Variants in ELFN1 observed in about 807,000 individuals in gnomAD.
ELFN1 encodes extracellular leucine rich repeat and fibronectin type III domain containing 1.
In ELFN1, 6 loss-of-function variants were observed where a neutral mutation model predicts 7.6. That is an observed-to-expected ratio of 0.79 (90% CI 0.43 to 1.56). The LOEUF is 1.56. Among genes scored for constraint, ELFN1 ranks in the 40% most tolerant of loss-of-function variants. The pLI is 0.01. For synonymous variants in ELFN1, 657 were observed against 588.1 expected, an observed-to-expected ratio of 1.12 and a Z score of -1.70; for missense variants, 1,169 against 1,232.2, an observed-to-expected ratio of 0.95 and a Z score of 0.77.
At chr7:1,738,050 CGACAAGCA>C (rs1780499173) in intron 3 of ELFN1, among the ~76,000 whole-genome samples, 1 of 152,168 alleles carries the variant, frequency 6.6e-6, no homozygotes, top group Admixed American at 6.5e-5. Flanking sequence ...GGTCCCCGTG[CGACAAGCA>C]GACCTCGCCA....
chr7:1,722,210 C>A (rs1240602542), intron 3 of ELFN1, among the ~76,000 whole-genome samples: 2 of 151,928 alleles, frequency 1.3e-5, no homozygotes, highest in Non-Finnish European at 2.9e-5. Flanking sequence ...GTCTTGGAAG[C>A]CTCTTTTTCT....
rs370873772 is a variant in ELFN1, at chr7:1,719,447, C to G, written c.-294+10195C>G. On this transcript the variant is annotated intron_variant, in intron 3 of 3. Coordinates refer to ENST00000424383, the MANE Select transcript of ELFN1 (RefSeq NM_001128636.4). ...GGACCGGCTCTGGGCTAGGCAGCCC[C>G]GTCTAATTCCCGCTTCCGCAGACAG... is the stretch of plus-strand genomic sequence containing the variant. 1.0e-3 allele frequency among the ~76,000 whole-genome samples: 152 copies of G among 152,342 alleles called. 2 individuals are homozygous for G. Among genetic ancestry groups the G allele is most frequent in the African/African-American group, 3.4e-3 (142 of 41,582 alleles).
At chr7:1,701,962 CAT>C (rs1351597205) in intron 2 of ELFN1, among the ~76,000 whole-genome samples, 2 of 151,932 alleles carry the variant, frequency 1.3e-5, no homozygotes, top group Admixed American at 1.3e-4. Context: ...CATTTTTTCC[CAT>C]ATATATTCAA....
chr7:1,674,232 G>T (rs1398398901), intron 1 of ELFN1, among the ~76,000 whole-genome samples: 1 of 152,140 alleles, frequency 6.6e-6, no homozygotes, highest in African/African-American at 2.4e-5. Flanking sequence ...CCCTGCTCCG[G>T]GCCATGGGGG....
chr7:1,729,024 G>A (rs530661688), intron 3 of ELFN1, among the ~76,000 whole-genome samples: 22 of 152,248 alleles, frequency 1.4e-4, no homozygotes, highest in East Asian at 7.7e-4. Context: ...GGGAGCAGCC[G>A]GCTGCTCAGG....
At chr7:1,742,505 C>T (rs1780655147) in intron 3 of ELFN1, among the ~76,000 whole-genome samples, 1 of 152,236 alleles carries the variant, frequency 6.6e-6, no homozygotes, top group Admixed American at 6.5e-5. Context: ...TGGGTGCGAG[C>T]TGGCAGGTGC....
chr7:1,701,877 T>A (rs564449931), intron 2 of ELFN1, among the ~76,000 whole-genome samples: 20 of 152,320 alleles, frequency 1.3e-4, no homozygotes, highest in African/African-American at 4.8e-4. Context: ...AAATGTATAG[T>A]TCTTCTTTTT....
At chr7:1,733,699 A>T (rs1293753966) in intron 3 of ELFN1, among the ~76,000 whole-genome samples, 1 of 152,104 alleles carries the variant, frequency 6.6e-6, no homozygotes, top group Non-Finnish European at 1.5e-5. Flanking sequence ...TTGAGGGCTA[A>T]TTGCTCATTT....
At chr7:1,722,265 CTTTTTTTTTTT>C (rs35253681) in intron 3 of ELFN1, among the ~76,000 whole-genome samples, 1 of 135,286 alleles carries the variant, frequency 7.4e-6, no homozygotes, top group Non-Finnish European at 1.6e-5. Context: ...TTAGGAGCCA[CTTTTTTTTTTT>C]TTTTTTTTGA....
At chr7:1,676,480 C>T (rs937185927) in intron 1 of ELFN1, among the ~76,000 whole-genome samples, 8 of 152,174 alleles carry the variant, frequency 5.3e-5, no homozygotes, top group African/African-American at 1.7e-4. Context: ...CATGTGAGGA[C>T]GGGGGTGGAT....
At chr7:1,675,423 T>A (rs1304895111) in intron 1 of ELFN1, among the ~76,000 whole-genome samples, 1 of 152,226 alleles carries the variant, frequency 6.6e-6, no homozygotes. Context: ...GAATCCTTCC[T>A]GGGATGGAAA....
At chr7:1,681,790 C>T (rs1778979603) in intron 1 of ELFN1, among the ~76,000 whole-genome samples, 1 of 152,230 alleles carries the variant, frequency 6.6e-6, no homozygotes, top group South Asian at 2.1e-4. Flanking sequence ...TACAGATCTT[C>T]AGGCGGATGT....
chr7:1,745,257 G>C lies in ELFN1; in HGVS notation c.661G>C (p.Glu221Gln), dbSNP rs1435310016. ...ATQTYDRMQC[E>Q]SPPVYSGYYL... ...ACAGACGTACGACCGCATGCAGTGCGAGTCGCCGCCCGTCTACTCCGGCTA... is the reference window on the plus strand; with the variant it reads ...ACAGACGTACGACCGCATGCAGTGCCAGTCGCCGCCCGTCTACTCCGGCTA... The change falls in exon 4 of 4, where the codon GAG (glutamate) becomes CAG (glutamine). Residue 221 changes from glutamate (E) to glutamine (Q), a missense_variant. Physicochemically the swap from Glu to Gln is conservative, Grantham distance 29. This residue lies in a region of ELFN1 where 255 missense variants were observed against 359.6 expected (regional missense o/e 0.71). Coordinates refer to ENST00000424383, the MANE Select transcript of ELFN1 (RefSeq NM_001128636.4). The C allele has an allele frequency of 3.2e-6, 5 of 1,539,136 alleles. No homozygotes were observed. The highest frequency in any genetic ancestry group is 4.4e-6 in the Non-Finnish European group (5 of 1,146,860).
At chr7:1,721,973 G>T (rs1394361456) in intron 3 of ELFN1, among the ~76,000 whole-genome samples, 1 of 152,204 alleles carries the variant, frequency 6.6e-6, no homozygotes, top group Non-Finnish European at 1.5e-5. Context: ...ACATTCTGGG[G>T]TGTGTACATC....
chr7:1,724,142 T>A (rs1780109247), intron 3 of ELFN1, among the ~76,000 whole-genome samples: 1 of 152,088 alleles, frequency 6.6e-6, no homozygotes, highest in Non-Finnish European at 1.5e-5. Flanking sequence ...CGTCACAGGG[T>A]TACCATAAGT....
rs755536565 is a variant in ELFN1 at position 1,745,362 on chromosome 7, G to T, written c.766G>T (p.Ala256Ser). ...GTCAGTCTGCACCGAGGACTCGTAC[G>T]CGGCTGAGGTGGTCGGGCCCCCACG... The part of the protein sequence containing the change: ...LQSVCTEDSY[A>S]AEVVGPPRPA... The change falls in exon 4 of 4, where the codon GCG (alanine) becomes TCG (serine). Residue 256 changes from alanine (A) to serine (S), a missense_variant. By Grantham distance (99) the Ala-to-Ser change is moderately conservative. Around this residue, in one of 2 missense-constraint regions of ELFN1, gnomAD observed 914 missense variants for 872.6 expected, o/e 1.05. Transcript: ENST00000424383. The T allele has an allele frequency of 6.5e-7, 1 of 1,539,298 alleles. No individual in the cohort carries two copies. Among genetic ancestry groups the T allele is most frequent in the African/African-American group, 1.4e-5 (1 of 73,122 alleles).
chr7:1,724,332 G>A (rs1780114870), intron 3 of ELFN1, among the ~76,000 whole-genome samples: 1 of 152,172 alleles, frequency 6.6e-6, no homozygotes, highest in African/African-American at 2.4e-5. Flanking sequence ...TCTCTATTAA[G>A]TCAGCCCGCG....
intron 3 of ELFN1, among the ~76,000 whole-genome samples, chr7:1,726,519 G>A (rs759168363): frequency 1.3e-5 from 2 of 152,226 alleles, no homozygotes; most frequent in Non-Finnish European, 2.9e-5. Context: ...GCCCACCAGA[G>A]TGTGCTCCCC....
At chr7:1,718,586 G>C (rs923285467) in intron 3 of ELFN1, among the ~76,000 whole-genome samples, 1 of 152,198 alleles carries the variant, frequency 6.6e-6, no homozygotes, top group African/African-American at 2.4e-5. Context: ...GTCCAAACCA[G>C]AGCACTTCTG....
Sources: gnomAD v4.1 joint callset for allele counts (sites outside exome capture counted in the v4.1 genomes callset) on GRCh38, gnomAD v4.1.1 for gene constraint, gnomAD v4.1.1 regional missense constraint, MANE v1.5 for transcripts, NCBI Gene and HGNC (gene_info 2026-07-23, HGNC 2026-07-21) for gene names.